Variants in MACROD2 observed in about 807,000 individuals in gnomAD.
MACROD2 encodes ADP-ribose glycohydrolase MACROD2.
In MACROD2, 36 loss-of-function variants were observed where a neutral mutation model predicts 70.4. That is an observed-to-expected ratio of 0.51 (90% confidence interval 0.39 to 0.68). The LOEUF (loss-of-function observed/expected upper bound fraction) is 0.68, where lower values mean the gene tolerates loss of function less well. Ranked by LOEUF, MACROD2 falls within the 30% of genes least tolerant of loss-of-function variation. MACROD2 has a pLI of 0.00. For missense variants in MACROD2, 496 were observed against 538.4 expected, an observed-to-expected ratio of 0.92 and a Z score of 0.78; for synonymous variants, 172 against 178.8, an observed-to-expected ratio of 0.96 and a Z score of 0.30.
chr20:14,977,329 A>G (rs1186243596), intron 5 of MACROD2, among the ~76,000 whole-genome samples: 1 of 144,840 alleles, frequency 6.9e-6, no homozygotes, highest in African/African-American at 2.6e-5. Context: ...AAATCACTGT[A>G]GCACCCAACT....
intron 8 of MACROD2, among the ~76,000 whole-genome samples, chr20:15,789,446 A>G (rs1162090420): frequency 6.6e-6 from 1 of 152,150 alleles, no homozygotes; most frequent in Non-Finnish European, 1.5e-5. Context: ...CATTTTTCTT[A>G]TATGACAGCA....
intron 8 of MACROD2, among the ~76,000 whole-genome samples, chr20:15,764,069 G>A (rs1276231585): frequency 2.0e-5 from 3 of 152,210 alleles, no homozygotes; most frequent in Non-Finnish European, 4.4e-5. Context: ...GGCTGGAAGT[G>A]GCCAGCCAGT....
intron 8 of MACROD2, among the ~76,000 whole-genome samples, chr20:15,579,248 C>T (rs2048491132): frequency 6.6e-6 from 1 of 152,024 alleles, no homozygotes; most frequent in Non-Finnish European, 1.5e-5. Context: ...CCTCAGAAAC[C>T]CTGAAGAGGT....
chr20:15,469,373 G>C (rs1015745411), intron 7 of MACROD2, among the ~76,000 whole-genome samples: 1 of 152,102 alleles, frequency 6.6e-6, no homozygotes, highest in Admixed American at 6.6e-5. Context: ...GAACAAACAG[G>C]GTACACATGG....
chr20:14,546,872 G>A (rs2123248305), intron 4 of MACROD2, among the ~76,000 whole-genome samples: 1 of 151,796 alleles, frequency 6.6e-6, no homozygotes, highest in South Asian at 2.1e-4. Context: ...TCTTTGGTTA[G>A]TCCCTGCACA....
At chr20:14,205,411 A>G (rs2148750696) in intron 3 of MACROD2, among the ~76,000 whole-genome samples, 1 of 152,332 alleles carries the variant, frequency 6.6e-6, no homozygotes, top group South Asian at 2.1e-4. Flanking sequence ...TTCTGAAAGC[A>G]GGTTGCCGGT....
intron 4 of MACROD2, among the ~76,000 whole-genome samples, chr20:14,576,071 G>A (rs192813077): frequency 6.6e-5 from 10 of 152,246 alleles, no homozygotes; most frequent in Admixed American, 3.3e-4. Context: ...ACAGGCACAC[G>A]ATCTTTTAGA....
intron 8 of MACROD2, among the ~76,000 whole-genome samples, chr20:15,579,178 G>T (rs2048490131): frequency 6.6e-6 from 1 of 152,132 alleles, no homozygotes; most frequent in Non-Finnish European, 1.5e-5. Flanking sequence ...GGCATCACCA[G>T]CCTCATCTTG....
intron 7 of MACROD2, among the ~76,000 whole-genome samples, chr20:15,465,691 G>T (rs758645545): frequency 6.6e-6 from 1 of 152,210 alleles, no homozygotes; most frequent in African/African-American, 2.4e-5. Flanking sequence ...GGGAGGAAGG[G>T]GTAGACATGT....
intron 2 of MACROD2, among the ~76,000 whole-genome samples, chr20:14,036,566 A>G (rs2053312918): frequency 6.6e-6 from 1 of 152,236 alleles, no homozygotes; most frequent in African/African-American, 2.4e-5. Context: ...TTCATGCCTT[A>G]TACAAAGGTA....
intron 8 of MACROD2, among the ~76,000 whole-genome samples, chr20:15,545,370 A>T (rs954442700): frequency 2.0e-5 from 3 of 152,204 alleles, no homozygotes; most frequent in Non-Finnish European, 4.4e-5. Context: ...TAATCCCAAG[A>T]ACATATTTAA....
At chr20:14,215,335 T>TACAC (rs1310041778) in intron 3 of MACROD2, among the ~76,000 whole-genome samples, 4,354 of 101,384 alleles carry the variant, frequency 0.043, 113 homozygotes, top group East Asian at 0.19. Flanking sequence ...TGCCATCATA[T>TACAC]ATACACACAC....
intron 5 of MACROD2, among the ~76,000 whole-genome samples, chr20:15,205,450 T>C (rs2076693490): frequency 6.6e-6 from 1 of 152,176 alleles, no homozygotes; most frequent in Admixed American, 6.5e-5. Context: ...ATGAGTCAAG[T>C]TCCTAGAAGG....
At chr20:15,737,816 T>C (rs543508384) in intron 8 of MACROD2, among the ~76,000 whole-genome samples, 68 of 152,142 alleles carry the variant, frequency 4.5e-4, no homozygotes, top group Admixed American at 1.4e-3. Context: ...CCTTGGGGAA[T>C]AGACATATGT....
At chr20:14,762,710 G>T (rs763459331) in intron 5 of MACROD2, among the ~76,000 whole-genome samples, 2 of 151,984 alleles carry the variant, frequency 1.3e-5, no homozygotes, top group African/African-American at 4.8e-5. Flanking sequence ...TGGGTAGATT[G>T]CTTGAGGCCA....
rs143483035 is a variant in MACROD2 at position 15,901,497 on chromosome 20, C to T, written c.775+15686C>T. ...CATCACGACGGTAAACAACTGATACCGCACTCTAGAGTGGCCTGTGTTGTC... is the reference window on the plus strand; with the variant it reads ...CATCACGACGGTAAACAACTGATACTGCACTCTAGAGTGGCCTGTGTTGTC... On this transcript the variant is annotated intron_variant, in intron 10 of 17. Coordinates refer to ENST00000684519, the MANE Select transcript of MACROD2 (RefSeq NM_001351661.2). 1.3e-3 allele frequency among the ~76,000 whole-genome samples: 194 copies of T among 152,254 alleles called. 1 individual carries two copies. Among genetic ancestry groups the T allele is most frequent in the African/African-American group, 4.2e-3 (175 of 41,548 alleles).
rs185797365 is a variant in MACROD2, at chr20:14,587,004, G to A, written c.301+93496G>A. ...TCAAAATGTATTATTTTCTTGTTTA[G>A]TGTATTTTATAATTTAATTTAGAGA... On this transcript the variant is annotated intron_variant, in intron 4 of 17. Transcript: ENST00000684519. 1.7e-3 allele frequency among the ~76,000 whole-genome samples: 260 copies of A among 151,796 alleles called. 3 individuals are homozygous for A. Among genetic ancestry groups the A allele is most frequent in the African/African-American group, 5.9e-3 (244 of 41,486 alleles).
At chr20:14,680,152 G>A (rs111821682) in intron 4 of MACROD2, among the ~76,000 whole-genome samples, 14 of 152,290 alleles carry the variant, frequency 9.2e-5, no homozygotes, top group African/African-American at 3.4e-4. Flanking sequence ...AGGAGGAGAT[G>A]CCAGAAAGGA....
intron 8 of MACROD2, among the ~76,000 whole-genome samples, chr20:15,745,360 T>C (rs1366074644): frequency 6.6e-6 from 1 of 152,166 alleles, no homozygotes; most frequent in Non-Finnish European, 1.5e-5. Flanking sequence ...CTAATTACTC[T>C]GAAGCCAAGC....
Sources: gnomAD v4.1 joint callset for allele counts (sites outside exome capture counted in the v4.1 genomes callset) on GRCh38, gnomAD v4.1.1 for gene constraint, MANE v1.5 for transcripts, NCBI Gene and HGNC (gene_info 2026-07-23, HGNC 2026-07-21) for gene names.